SYT1: variants seen among roughly 807,000 people sequenced by gnomAD.
The protein encoded by SYT1 is synaptotagmin-1.
SYT1 carries 8 observed loss-of-function variants against 44.8 expected under a neutral mutation model. The observed-to-expected ratio is 0.18, with a 90% CI of 0.10 to 0.32. The LOEUF (loss-of-function observed/expected upper bound fraction) is 0.32, where lower values mean the gene tolerates loss of function less well. Among genes scored for constraint, SYT1 ranks in the 10% least tolerant of loss-of-function variants. The pLI is 1.00. For missense variants in SYT1, 286 were observed against 509.3 expected, an observed-to-expected ratio of 0.56 and a Z score of 4.22; for synonymous variants, 154 against 188.8, an observed-to-expected ratio of 0.82 and a Z score of 1.51.
At chr12:79,036,674 T>A (rs1376610694) in intron 2 of SYT1, 3 of 152,002 alleles carry the variant, frequency 2.0e-5, no homozygotes, top group Non-Finnish European at 4.4e-5. Context: ...AAATTACCTT[T>A]GGCATTCTCT....
At chr12:79,160,009 CT>C (rs1870849625) in intron 3 of SYT1, among the ~76,000 whole-genome samples, 1 of 152,006 alleles carries the variant, frequency 6.6e-6, no homozygotes, top group African/African-American at 2.4e-5. Context: ...AAAATACTTA[CT>C]GAGTATTACA....
intron 2 of SYT1, among the ~76,000 whole-genome samples, chr12:79,044,939 C>CG (rs1873898834): frequency 6.6e-6 from 1 of 152,200 alleles, no homozygotes; most frequent in Non-Finnish European, 1.5e-5. Context: ...TTAGGCCGCT[C>CG]GGGGGTCAGG....
intron 2 of SYT1, among the ~76,000 whole-genome samples, chr12:79,043,363 C>T (rs1256205651): frequency 1.3e-5 from 2 of 150,784 alleles, no homozygotes; most frequent in Non-Finnish European, 2.9e-5. Context: ...TTGAATTGAT[C>T]CCTTTACCAT....
At chr12:79,301,717 T>C (rs551183079) in intron 8 of SYT1, among the ~76,000 whole-genome samples, 1 of 152,288 alleles carries the variant, frequency 6.6e-6, no homozygotes, top group African/African-American at 2.4e-5. Context: ...TCTACTTCGC[T>C]ATCCTTTTTC....
chr12:79,048,370 A>C (rs948213898), intron 3 of SYT1, among the ~76,000 whole-genome samples: 1 of 151,886 alleles, frequency 6.6e-6, no homozygotes, highest in East Asian at 1.9e-4. Context: ...ACTTTGATGC[A>C]TAAATTACAT....
intron 5 of SYT1, among the ~76,000 whole-genome samples, chr12:79,288,073 T>C (rs1879398648): frequency 6.6e-6 from 1 of 152,128 alleles, no homozygotes; most frequent in Admixed American, 6.6e-5. Flanking sequence ...CAGATGAATA[T>C]ACACTCCAGG....
chr12:78,961,408 A>C (rs1022364313), intron 1 of SYT1, among the ~76,000 whole-genome samples: 6 of 152,078 alleles, frequency 3.9e-5, no homozygotes, highest in African/African-American at 1.4e-4. Flanking sequence ...TGCTCCCAGC[A>C]CATTCCACAC....
At chr12:79,047,090 C>T (rs770081142) in intron 2 of SYT1, among the ~76,000 whole-genome samples, 1 of 151,794 alleles carries the variant, frequency 6.6e-6, no homozygotes, top group Non-Finnish European at 1.5e-5. Context: ...CACAGACTCT[C>T]AATCTCTAGC....
intron 9 of SYT1, among the ~76,000 whole-genome samples, chr12:79,408,406 T>C (rs768530816): frequency 6.5e-4 from 99 of 152,094 alleles, no homozygotes; most frequent in Admixed American, 5.9e-4. Flanking sequence ...CAAACAGATA[T>C]GCCCACTTAG....
intron 9 of SYT1, among the ~76,000 whole-genome samples, chr12:79,406,174 A>G (rs981270083): frequency 1.3e-5 from 2 of 152,128 alleles, no homozygotes; most frequent in Admixed American, 6.6e-5. Context: ...TTAGTTTGTA[A>G]TACCTTTCAT....
chr12:79,419,272 G>A, intron 9 of SYT1: 2 of 525,928 alleles, frequency 3.8e-6, no homozygotes, highest in Non-Finnish European at 3.9e-6. Context: ...GAAGGAAATT[G>A]AATTCATTTA....
chr12:79,326,013 G>A (rs1881592733), intron 8 of SYT1, among the ~76,000 whole-genome samples: 1 of 151,972 alleles, frequency 6.6e-6, no homozygotes, highest in South Asian at 2.1e-4. Flanking sequence ...TTTATTGATG[G>A]GGGGAAAATA....
At chr12:79,043,028 G>A (rs1367996445) in intron 2 of SYT1, among the ~76,000 whole-genome samples, 1 of 146,086 alleles carries the variant, frequency 6.8e-6, no homozygotes. Context: ...CATTTGCTGA[G>A]GAGAGCTTTA....
At chr12:79,351,293 A>G (rs1339378473) in intron 8 of SYT1, among the ~76,000 whole-genome samples, 1 of 152,162 alleles carries the variant, frequency 6.6e-6, no homozygotes, top group Non-Finnish European at 1.5e-5. Flanking sequence ...TAAACTTCCT[A>G]TGTGTCATAA....
chr12:79,119,245 C>T (rs1879460332), intron 3 of SYT1, among the ~76,000 whole-genome samples: 1 of 152,176 alleles, frequency 6.6e-6, no homozygotes, highest in Non-Finnish European at 1.5e-5. Flanking sequence ...TGAACTTTGT[C>T]CTCCATACTA....
chr12:78,998,874 C>T (rs985058650), intron 2 of SYT1, among the ~76,000 whole-genome samples: 6 of 152,156 alleles, frequency 3.9e-5, no homozygotes, highest in African/African-American at 9.7e-5. Context: ...AGTTGCTGTA[C>T]AGCTATATGC....
intron 3 of SYT1, among the ~76,000 whole-genome samples, chr12:79,177,188 C>T (rs1273816881): frequency 1.0e-5 from 1 of 97,738 alleles, no homozygotes; most frequent in Non-Finnish European, 2.0e-5. Context: ...CAATGCTATC[C>T]CTCCCCCCTC....
rs548506457 is a variant in SYT1, at chr12:79,389,942, C to CT, written c.928+36331dup. On this transcript the variant is annotated intron_variant, in intron 9 of 10. Coordinates refer to ENST00000261205, the MANE Select transcript of SYT1 (RefSeq NM_005639.3). ...TTTCCAATAATTCTTTTTTTTTTTT[C>CT]TTTTTTTTGAGACGGAGTCTTGCTC... Among the ~76,000 whole-genome samples the CT allele has an allele frequency of 5.2e-3, 717 of 137,172 alleles. 4 individuals are homozygous for CT. Among genetic ancestry groups the CT allele is most frequent in the Middle Eastern group, 0.022 (6 of 268 alleles). 90.0% of individuals were successfully genotyped at this position (137,172 alleles called of 152,430 possible).
intron 1 of SYT1, chr12:78,977,544 T>C (rs1565745834): frequency 6.6e-6 from 1 of 152,236 alleles, no homozygotes; most frequent in Non-Finnish European, 1.5e-5. Flanking sequence ...CAGAATGATA[T>C]GAAAAAGTTG....
Sources: gnomAD v4.1 joint callset for allele counts (sites outside exome capture counted in the v4.1 genomes callset) on GRCh38, gnomAD v4.1.1 for gene constraint, MANE v1.5 for transcripts, NCBI Gene and HGNC (gene_info 2026-07-23, HGNC 2026-07-21) for gene names.